The following DST variants were observed in gnomAD, a reference collection of about 807,000 sequenced individuals.
DST encodes the protein dystonin, also known as bullous pemphigoid antigen.
In DST, 253 loss-of-function variants were observed where a neutral mutation model predicts 875.2. The ratio of observed to expected loss-of-function variants is 0.29; its 90% CI spans 0.26 to 0.32. The LOEUF (loss-of-function observed/expected upper bound fraction) is 0.32. Among genes scored for constraint, DST ranks in the 10% least tolerant of loss-of-function variants. The pLI, the probability that DST is intolerant of heterozygous loss-of-function variation, is 1.00. For synonymous variants in DST, 3,124 were observed against 3,197.1 expected (o/e 0.98, Z 0.77); for missense variants, 8,287 against 9,111.6 (o/e 0.91, Z 3.68).
chr6:56,618,084 T>C, intron 36 of DST: 1 of 1,614,162 alleles, frequency 6.2e-7, no homozygotes. Flanking sequence ...TCTCTTATCT[T>C]CTCAATTTCA....
In DST at chr6:56,506,720, T is replaced by C. The variant is rs1199785995; in HGVS notation, c.19309A>G (p.Ile6437Val). Residue 6437 changes from isoleucine (I) to valine (V), a missense_variant, in exon 76 of 104, where the codon ATT becomes GTT. Around this residue, in one of 10 missense-constraint regions of DST, gnomAD observed 1,292 missense variants for 1,552.7 expected, o/e 0.83. Coordinates refer to ENST00000680361, the MANE Select transcript of DST (RefSeq NM_001374736.1). Reference protein sequence around the residue: ...DIVINLGSELIAACGEPDKPI... With the variant: ...DIVINLGSELVAACGEPDKPI... ...TTATCAGGCTCCCCACATGCCGCAATGAGTTCAGAACCTAGGTTAATAACT... is the reference window on the plus strand; with the variant it reads ...TTATCAGGCTCCCCACATGCCGCAACGAGTTCAGAACCTAGGTTAATAACT... 1.9e-6 allele frequency: 3 copies of C among 1,613,700 alleles called. No individual in the cohort carries two copies. The highest frequency in any genetic ancestry group is 2.2e-5 in the South Asian group (2 of 91,082).
chr6:56,706,566 T>G (rs1217926475), intron 5 of DST, among the ~76,000 whole-genome samples: 1 of 152,216 alleles, frequency 6.6e-6, no homozygotes, highest in East Asian at 1.9e-4. Flanking sequence ...AATTTCCTAC[T>G]CATGGACTGG....
intron 2 of DST, among the ~76,000 whole-genome samples, chr6:56,908,793 G>A (rs1226974073): frequency 6.6e-6 from 1 of 152,172 alleles, no homozygotes; most frequent in Non-Finnish European, 1.5e-5. Context: ...ATGGCAATGA[G>A]AGTGACCTAC....
chr6:56,752,754 G>A (rs1002512706), intron 4 of DST, among the ~76,000 whole-genome samples: 3 of 152,120 alleles, frequency 2.0e-5, no homozygotes, highest in Non-Finnish European at 4.4e-5. Context: ...CAATACAATA[G>A]CAGTTTGTAT....
chr6:56,591,081 T>A (rs1007172366), intron 49 of DST, among the ~76,000 whole-genome samples: 1 of 152,252 alleles, frequency 6.6e-6, no homozygotes, highest in Non-Finnish European at 1.5e-5. Context: ...CTACTATTAT[T>A]AACCTGTGAA....
In DST at chr6:56,487,261, A is replaced by C. The variant is rs780581094; in HGVS notation, c.20890T>G (p.Ser6964Ala). ...TAGACAGAATGCTTGGCTCCGAGTGATTTCTGAAACTCCTAAATATTTAAC... is the reference window on the plus strand; with the variant it reads ...TAGACAGAATGCTTGGCTCCGAGTGCTTTCTGAAACTCCTAAATATTTAAC... ...QLAQHKEFQK[S>A]LGAKHSVYDT... The change falls in exon 87 of 104, where the codon TCA becomes GCA. Residue 6964 changes from serine to alanine, a missense_variant. Ser to Ala is a moderately conservative substitution (Grantham distance 99). Coordinates refer to ENST00000680361, the MANE Select transcript of DST (RefSeq NM_001374736.1). 2.6e-6 allele frequency: 4 copies of C among 1,562,436 alleles called. No homozygotes were observed. In the Admixed American group the frequency reaches 7.8e-5, roughly 30 times the overall value.
At chr6:56,767,340 G>A (rs1171283498) in intron 4 of DST, among the ~76,000 whole-genome samples, 1 of 152,010 alleles carries the variant, frequency 6.6e-6, no homozygotes, top group Non-Finnish European at 1.5e-5. Context: ...CAAGTGGCAG[G>A]GAGTGATGGC....
intron 91 of DST, among the ~76,000 whole-genome samples, chr6:56,476,926 T>G (rs1381768352): frequency 6.6e-6 from 1 of 151,850 alleles, no homozygotes; most frequent in Non-Finnish European, 1.5e-5. Flanking sequence ...CACTCCAGCC[T>G]GGGCAATAAA....
chr6:56,668,027 G>A (rs1256603122), intron 10 of DST, among the ~76,000 whole-genome samples: 16 of 151,968 alleles, frequency 1.1e-4, no homozygotes, highest in Admixed American at 9.8e-4. Flanking sequence ...CATCCTCCCT[G>A]CCAAAAGTAG....
intron 17 of DST, 109 bp downstream of exon 17, chr6:56,641,838 A>T: frequency 1.1e-6 from 1 of 877,566 alleles, no homozygotes; most frequent in Non-Finnish European, 1.7e-6. Flanking sequence ...ACTAAAAAAC[A>T]GCAAAGAAAT....
chr6:56,493,419 G>A (rs1467308817), intron 83 of DST, among the ~76,000 whole-genome samples: 1 of 151,864 alleles, frequency 6.6e-6, no homozygotes, highest in Admixed American at 6.6e-5. Flanking sequence ...TTAATTTGGG[G>A]ACTCAAAATA....
At chr6:56,822,091 A>C (rs1021920517) in intron 4 of DST, among the ~76,000 whole-genome samples, 3 of 152,222 alleles carry the variant, frequency 2.0e-5, no homozygotes, top group Non-Finnish European at 2.9e-5. Flanking sequence ...TTTTATGTAC[A>C]TGTGAATTTT....
chr6:56,662,950 AAACAAAACAAAACAG>A (rs2099052757), intron 10 of DST, among the ~76,000 whole-genome samples: 1 of 152,102 alleles, frequency 6.6e-6, no homozygotes, highest in Non-Finnish European at 1.5e-5. Flanking sequence ...CTCCATCTCA[AAACAAAACAAAACAG>A]AACAAAACAA....
At chr6:56,638,623 T>C (rs1451786987) in intron 22 of DST, among the ~76,000 whole-genome samples, 1 of 152,160 alleles carries the variant, frequency 6.6e-6, no homozygotes. Context: ...CTCTGTCTAA[T>C]ATACAATTTA....
chr6:56,719,239 A>G (rs1166365113), intron 5 of DST, among the ~76,000 whole-genome samples: 5 of 152,234 alleles, frequency 3.3e-5, no homozygotes, highest in Non-Finnish European at 5.9e-5. Context: ...TACAACTGAA[A>G]TACTCTTAAA....
At chr6:56,821,463 T>C (rs1429349046) in intron 4 of DST, among the ~76,000 whole-genome samples, 1 of 152,204 alleles carries the variant, frequency 6.6e-6, no homozygotes, top group East Asian at 1.9e-4. Context: ...GTACAAGGAC[T>C]TTCTCTGGGC....
chr6:56,619,794 T>C (rs1352761863), intron 36 of DST: 2 of 1,614,204 alleles, frequency 1.2e-6, no homozygotes, highest in African/African-American at 1.3e-5. Context: ...AGTGTATTAT[T>C]TGTTTCATCT....
rs535302938 is a variant in DST at position 56,615,113 on chromosome 6, T to C, written c.4930-629A>G. On this transcript the variant is annotated intron_variant, in intron 36 of 103. Transcript: ENST00000680361. Reference sequence around the variant, plus strand: ...TGGGAACGAATTTATATCTTTCTCTTTGATTCCATGGTGCTTCATGACGTG... The same window carrying C: ...TGGGAACGAATTTATATCTTTCTCTCTGATTCCATGGTGCTTCATGACGTG... 1.9e-5 allele frequency: 20 copies of C among 1,035,734 alleles called. No individual in the cohort carries two copies. The South Asian group carries it at 6.9e-4, about 36-fold the overall frequency. The allele number at this position is 1,035,734 out of a possible 1,614,324, so 64.2% of individuals were successfully genotyped here. A position where few individuals can be genotyped will look rare whatever the true frequency, so the allele number is the denominator to read the frequency against.
chr6:56,575,204 T>C (rs1420290937), intron 50 of DST, among the ~76,000 whole-genome samples: 4 of 151,944 alleles, frequency 2.6e-5, no homozygotes, highest in Admixed American at 6.6e-5. Flanking sequence ...TGGAAACTAC[T>C]AGTTGGGGGA....
Sources: allele counts gnomAD v4.1 joint callset (sites outside exome capture counted in the v4.1 genomes callset), GRCh38; gene constraint gnomAD v4.1.1; regional missense constraint gnomAD v4.1.1; transcripts MANE v1.5; gene names NCBI Gene and HGNC (gene_info 2026-07-23, HGNC 2026-07-21).